RANBP2: variants seen among roughly 807,000 people sequenced by gnomAD.
RANBP2 encodes RAN binding protein 2.
Under a neutral mutation model 303.6 loss-of-function variants are expected in RANBP2, and 57 were observed. The observed-to-expected ratio is 0.19, with a 90% confidence interval of 0.15 to 0.23. The LOEUF (loss-of-function observed/expected upper bound fraction) is 0.23. RANBP2 is among the 10% of genes least tolerant of loss of function. RANBP2 has a pLI of 1.00. For missense variants in RANBP2, 3,138 were observed against 3,780.8 expected (o/e 0.83, Z 4.46); for synonymous variants, 1,167 against 1,301.5 (o/e 0.90, Z 2.23).
the RANBP2 span, chr2:109,371,776 A>G: frequency 9.7e-7 from 1 of 1,031,840 alleles, no homozygotes; most frequent in Non-Finnish European, 1.5e-6. Flanking sequence ...CTTTTCTAAG[A>G]GAGAAAGAGG....
At chr2:109,381,211 G>A in the RANBP2 span, among the ~76,000 whole-genome samples, 10 of 152,344 alleles carry the variant, frequency 6.6e-5, no homozygotes, top group Non-Finnish European at 1.3e-4. Flanking sequence ...GAACACCCAG[G>A]TGGCCCTGGA....
the RANBP2 span, among the ~76,000 whole-genome samples, chr2:108,824,189 ATTAAGC>A: frequency 6.6e-6 from 1 of 152,152 alleles, no homozygotes; most frequent in African/African-American, 2.4e-5. Flanking sequence ...TCATTAACAA[ATTAAGC>A]TTAGCTTACT....
chr2:108,797,793 A>G, the RANBP2 span, among the ~76,000 whole-genome samples: 1 of 152,194 alleles, frequency 6.6e-6, no homozygotes, highest in Non-Finnish European at 1.5e-5. Flanking sequence ...AATATAGGAC[A>G]TGATGTATTC....
At chr2:108,824,295 C>G in the RANBP2 span, among the ~76,000 whole-genome samples, 2 of 151,996 alleles carry the variant, frequency 1.3e-5, no homozygotes, top group African/African-American at 2.4e-5. Context: ...ATACATTGTA[C>G]AGGTATACAA....
At chr2:109,076,752 AG>A in the RANBP2 span, among the ~76,000 whole-genome samples, 4 of 150,698 alleles carry the variant, frequency 2.7e-5, no homozygotes, top group Admixed American at 1.3e-4. Context: ...GAAGACACAA[AG>A]AAATGGAACG....
At chr2:109,719,209 G>T in the RANBP2 span, among the ~76,000 whole-genome samples, 2 of 147,156 alleles carry the variant, frequency 1.4e-5, no homozygotes, top group Non-Finnish European at 3.0e-5. Flanking sequence ...TGATTCTCCT[G>T]CCTCAGCCTC....
the RANBP2 span, among the ~76,000 whole-genome samples, chr2:108,811,502 C>G: frequency 1.4e-4 from 22 of 152,016 alleles, no homozygotes; most frequent in Non-Finnish European, 2.9e-4. Context: ...CTCACCCTCC[C>G]AAAGTGCTGG....
the RANBP2 span, among the ~76,000 whole-genome samples, chr2:109,583,110 G>A: frequency 6.6e-6 from 1 of 152,128 alleles, no homozygotes; most frequent in Non-Finnish European, 1.5e-5. Context: ...GCTGCACATT[G>A]GCCTTGGAAA....
the RANBP2 span, among the ~76,000 whole-genome samples, chr2:109,727,428 T>C: frequency 6.6e-6 from 1 of 152,160 alleles, no homozygotes; most frequent in Non-Finnish European, 1.5e-5. Flanking sequence ...ACCTAGCTAG[T>C]AGTGGGTGGA....
chr2:108,735,631 A>G lies in RANBP2; in HGVS notation c.505A>G (p.Ile169Val), dbSNP rs1695515690. The G allele has an allele frequency of 1.3e-6, 2 of 1,597,642 alleles. No individual in the cohort carries two copies. The highest frequency in any genetic ancestry group is 4.5e-5 in the East Asian group (2 of 44,884). ...AAGACCTGATGACGTCCATGTGAACATCCGGCTAGTGGAGGTGTATCGCTC... is the reference window on the plus strand; with the variant it reads ...AAGACCTGATGACGTCCATGTGAACGTCCGGCTAGTGGAGGTGTATCGCTC... ...YVRPDDVHVN[I>V]RLVEVYRSTK... The change falls in exon 5 of 29, where the codon ATC becomes GTC. Residue 169 changes from isoleucine (I) to valine (V), a missense_variant. Ile to Val is a conservative substitution (Grantham distance 29). Around this residue, in one of 20 missense-constraint regions of RANBP2, gnomAD observed 306 missense variants for 381.9 expected, o/e 0.80. Coordinates refer to ENST00000283195, the MANE Select transcript of RANBP2 (RefSeq NM_006267.5).
the RANBP2 span, chr2:108,907,837 C>G: frequency 3.1e-6 from 5 of 1,613,188 alleles, no homozygotes; most frequent in Non-Finnish European, 4.2e-6. Flanking sequence ...CACAGCTCAT[C>G]ATGGCACCTG....
chr2:108,799,584 G>A, the RANBP2 span, among the ~76,000 whole-genome samples: 4 of 152,180 alleles, frequency 2.6e-5, no homozygotes, highest in South Asian at 6.2e-4. Flanking sequence ...TTCAGTAGCA[G>A]TTTATTTACA....
the RANBP2 span, among the ~76,000 whole-genome samples, chr2:109,142,061 T>G: frequency 6.7e-6 from 1 of 148,818 alleles, no homozygotes; most frequent in South Asian, 2.1e-4. Flanking sequence ...GGGTCTCAGG[T>G]ATGTGCCTAG....
the RANBP2 span, among the ~76,000 whole-genome samples, chr2:109,570,896 T>C: frequency 6.6e-6 from 1 of 152,176 alleles, no homozygotes; most frequent in Admixed American, 6.5e-5. Flanking sequence ...TTATATACAG[T>C]CATGTGTGGC....
the RANBP2 span, among the ~76,000 whole-genome samples, chr2:109,492,133 A>G: frequency 2.0e-5 from 3 of 152,176 alleles, no homozygotes; most frequent in Non-Finnish European, 2.9e-5. Context: ...ATGTAGATGA[A>G]TGGGCCGGTG....
At chr2:109,715,315 C>T in the RANBP2 span, among the ~76,000 whole-genome samples, 1 of 151,994 alleles carries the variant, frequency 6.6e-6, no homozygotes, top group Non-Finnish European at 1.5e-5. Context: ...ATCATGTTGC[C>T]CAGGCTGGTC....
At chr2:109,068,526 G>A in the RANBP2 span, among the ~76,000 whole-genome samples, 1 of 152,204 alleles carries the variant, frequency 6.6e-6, no homozygotes, top group Non-Finnish European at 1.5e-5. Flanking sequence ...ACAGAGACTG[G>A]CACATACACA....
chr2:109,298,361 C>T, the RANBP2 span, among the ~76,000 whole-genome samples: 2 of 152,142 alleles, frequency 1.3e-5, no homozygotes, highest in African/African-American at 4.8e-5. Flanking sequence ...GAGCCTGGTT[C>T]AGTTTCTGCT....
the RANBP2 span, among the ~76,000 whole-genome samples, chr2:109,151,452 T>G: frequency 6.6e-6 from 1 of 152,230 alleles, no homozygotes; most frequent in African/African-American, 2.4e-5. Context: ...CAAATAGAAT[T>G]TGAGCCACAT....
Sources: allele counts gnomAD v4.1 joint callset (sites outside exome capture counted in the v4.1 genomes callset), GRCh38; gene constraint gnomAD v4.1.1; regional missense constraint gnomAD v4.1.1; transcripts MANE v1.5; gene names NCBI Gene and HGNC (gene_info 2026-07-23, HGNC 2026-07-21).